Variants in RELN observed in about 807,000 individuals in gnomAD.
The protein encoded by RELN is reelin.
Under a neutral mutation model 427.6 loss-of-function variants are expected in RELN, and 108 were observed. The ratio of observed to expected loss-of-function variants is 0.25; its 90% CI spans 0.22 to 0.30. The LOEUF is 0.30. Ranked by LOEUF, RELN falls within the 10% of genes least tolerant of loss-of-function variation. The pLI is 1.00. For synonymous variants in RELN, 1,524 were observed against 1,513.4 expected, an observed-to-expected ratio of 1.01 and a Z score of -0.16; for missense variants, 3,715 against 4,302.8, an observed-to-expected ratio of 0.86 and a Z score of 3.82.
At chr7:103,713,448 T>G (rs1488257846) in intron 8 of RELN, among the ~76,000 whole-genome samples, 3 of 152,242 alleles carry the variant, frequency 2.0e-5, no homozygotes, top group Admixed American at 2.0e-4. Flanking sequence ...GAGGTTGCAG[T>G]GAGTGGAAAG....
rs540449146 is a variant in RELN at position 103,977,348 on chromosome 7, C to A, written c.226+11783G>T. Among the ~76,000 whole-genome samples, 8 of 140,898 alleles carry A rather than the reference C, an allele frequency of 5.7e-5. No individual in the cohort carries two copies. In the South Asian group the frequency reaches 1.5e-3, roughly 27 times the overall value. 92.4% of individuals were successfully genotyped at this position (140,898 alleles called of 152,430 possible). A position where few individuals can be genotyped will look rare whatever the true frequency, so the allele number is the denominator to read the frequency against. The stretch of plus-strand genomic sequence containing the variant: ...AAAAAAAAAAAAAAAAATTCCCTGG[C>A]AGTTTGAAGTGAGGCAGAGCAGATA... On this transcript the variant is annotated intron_variant, in intron 1 of 64. Transcript: ENST00000428762.
intron 6 of RELN, among the ~76,000 whole-genome samples, chr7:103,737,210 T>C (rs760005162): frequency 1.6e-4 from 25 of 152,258 alleles, no homozygotes; most frequent in Admixed American, 3.9e-4. Context: ...TTTTTTCATC[T>C]ATTCACCATC....
intron 3 of RELN, among the ~76,000 whole-genome samples, chr7:103,783,167 T>C (rs1468380439): frequency 6.7e-6 from 1 of 150,334 alleles, no homozygotes; most frequent in Non-Finnish European, 1.5e-5. Context: ...TTTCTTTCTT[T>C]TTTTTTTTTT....
At chr7:103,485,745 C>T (rs998691039) in intron 61 of RELN, among the ~76,000 whole-genome samples, 1 of 99,254 alleles carries the variant, frequency 1.0e-5, no homozygotes, top group African/African-American at 5.0e-5. Context: ...AGGTCTTATC[C>T]ATCCAACCAT....
At chr7:103,880,551 C>G (rs891213241) in intron 2 of RELN, among the ~76,000 whole-genome samples, 2 of 152,148 alleles carry the variant, frequency 1.3e-5, no homozygotes, top group African/African-American at 4.8e-5. Context: ...ATTAAGAGCA[C>G]GAGCTCTGAC....
intron 3 of RELN, among the ~76,000 whole-genome samples, chr7:103,823,760 A>T (rs1283684062): frequency 6.6e-6 from 1 of 152,118 alleles, no homozygotes; most frequent in Non-Finnish European, 1.5e-5. Context: ...TAATTATTGT[A>T]TCATACCACA....
intron 2 of RELN, among the ~76,000 whole-genome samples, chr7:103,880,014 G>T (rs745998567): frequency 6.6e-6 from 1 of 151,758 alleles, no homozygotes; most frequent in South Asian, 2.1e-4. Flanking sequence ...CCACAAGCTA[G>T]GCTTAATGTG....
At chr7:103,541,143 C>T (rs1175958504) in intron 43 of RELN, among the ~76,000 whole-genome samples, 1 of 152,110 alleles carries the variant, frequency 6.6e-6, no homozygotes, top group East Asian at 1.9e-4. Flanking sequence ...ATGGATGATA[C>T]TGGCCACTGA....
intron 2 of RELN, among the ~76,000 whole-genome samples, chr7:103,883,801 T>G (rs1160019435): frequency 1.3e-5 from 2 of 152,092 alleles, no homozygotes; most frequent in Non-Finnish European, 1.5e-5. Context: ...ACAAATGGAT[T>G]AACACTCCAT....
rs926399681 is a variant in RELN at position 103,486,109 on chromosome 7, A to G, written c.9983+88T>C. ...CTGCTTAGTGACATCTGTGCCATGA[A>G]GTTCACAATCCTATCTAACAGACAA... On this transcript the variant is annotated intron_variant, in intron 61 of 64. Coordinates refer to ENST00000428762, the MANE Select transcript of RELN (RefSeq NM_005045.4). 1.2e-5 allele frequency: 15 copies of G among 1,242,706 alleles called. No individual in the cohort carries two copies. The Admixed American group carries it at 2.2e-4, about 18-fold the overall frequency. The allele number at this position is 1,242,706 out of a possible 1,614,324, so 77.0% of individuals were successfully genotyped here. A position where few individuals can be genotyped will look rare whatever the true frequency, so the allele number is the denominator to read the frequency against.
chr7:103,927,733 TTAAGTA>T (rs756131599), intron 1 of RELN, among the ~76,000 whole-genome samples: 3 of 152,136 alleles, frequency 2.0e-5, no homozygotes, highest in Non-Finnish European at 4.4e-5. Context: ...ATCTTTGTGG[TTAAGTA>T]TAAGTTTGTG....
intron 46 of RELN, among the ~76,000 whole-genome samples, chr7:103,534,082 A>T (rs577000455): frequency 6.6e-6 from 1 of 152,350 alleles, no homozygotes; most frequent in South Asian, 2.1e-4. Context: ...AACTGAAACC[A>T]TCCCATTTAT....
intron 3 of RELN, among the ~76,000 whole-genome samples, chr7:103,803,306 C>A (rs896062900): frequency 6.6e-6 from 1 of 152,056 alleles, no homozygotes; most frequent in African/African-American, 2.4e-5. Flanking sequence ...GATTAAAACA[C>A]CTTTATATAT....
intron 2 of RELN, among the ~76,000 whole-genome samples, chr7:103,856,880 C>A (rs948267905): frequency 6.6e-6 from 1 of 151,770 alleles, no homozygotes; most frequent in Non-Finnish European, 1.5e-5. Context: ...GAATATGTTC[C>A]TGTTCTAACC....
intron 2 of RELN, among the ~76,000 whole-genome samples, chr7:103,899,347 A>G (rs58315603): frequency 0.35 from 52,899 of 151,774 alleles, 9,650 homozygotes; most frequent in East Asian, 0.67. Context: ...ATTCACAGCC[A>G]AATTCAACCA....
chr7:103,683,767 A>G (rs573795126), intron 10 of RELN, among the ~76,000 whole-genome samples: 1 of 152,254 alleles, frequency 6.6e-6, no homozygotes, highest in South Asian at 2.1e-4. Context: ...GTCTTAATAG[A>G]CTGACATATT....
At chr7:103,494,270 C>T (rs917942624) in intron 57 of RELN, among the ~76,000 whole-genome samples, 2 of 151,850 alleles carry the variant, frequency 1.3e-5, no homozygotes, top group African/African-American at 4.8e-5. Flanking sequence ...AGGATTTTTA[C>T]TATTAACTGT....
chr7:103,895,773 T>C (rs750393225), intron 2 of RELN, among the ~76,000 whole-genome samples: 3 of 152,000 alleles, frequency 2.0e-5, no homozygotes, highest in Admixed American at 6.6e-5. Flanking sequence ...GTTAAAAAAA[T>C]TGCATTGAGA....
intron 27 of RELN, among the ~76,000 whole-genome samples, chr7:103,592,719 GATTA>G (rs1831447800): frequency 6.6e-6 from 1 of 152,186 alleles, no homozygotes; most frequent in African/African-American, 2.4e-5. Context: ...CATGGTTTGT[GATTA>G]ATTAAATAGA....
Sources: gnomAD v4.1 joint callset for allele counts (sites outside exome capture counted in the v4.1 genomes callset) on GRCh38, gnomAD v4.1.1 for gene constraint, MANE v1.5 for transcripts, NCBI Gene and HGNC (gene_info 2026-07-23, HGNC 2026-07-21) for gene names.